The following GBE1 variants were observed in gnomAD, a reference collection of about 807,000 sequenced individuals.
GBE1 encodes 1,4-alpha-glucan branching enzyme 1.
Under a neutral mutation model 88.8 loss-of-function variants are expected in GBE1, and 70 were observed. That is an observed-to-expected ratio of 0.79 (90% CI 0.65 to 0.96). The LOEUF is 0.96. Among genes scored for constraint, GBE1 ranks in the 40% least tolerant of loss-of-function variants. GBE1 has a pLI of 0.00. For missense variants in GBE1, 872 were observed against 871.0 expected (o/e 1.00, Z -0.01); for synonymous variants, 284 against 300.1 (o/e 0.95, Z 0.56).
chr3:81,535,582 G>T (rs1262790532), intron 13 of GBE1, among the ~76,000 whole-genome samples: 2 of 151,930 alleles, frequency 1.3e-5, no homozygotes, highest in South Asian at 4.1e-4. Context: ...ACAGTGTTGT[G>T]GCTCAGGTTT....
intron 12 of GBE1, among the ~76,000 whole-genome samples, chr3:81,568,176 C>G (rs566875464): frequency 6.6e-6 from 1 of 152,022 alleles, no homozygotes. Flanking sequence ...GAGATGGAGT[C>G]TCGCTCTGGC....
intron 1 of GBE1, among the ~76,000 whole-genome samples, chr3:81,707,322 C>T (rs930828420): frequency 6.6e-5 from 10 of 151,922 alleles, no homozygotes; most frequent in Admixed American, 6.6e-5. Flanking sequence ...TCCTAGGAGA[C>T]AAGTTTCTAT....
At chr3:81,690,185 T>C (rs1248596751) in intron 2 of GBE1, among the ~76,000 whole-genome samples, 2 of 152,182 alleles carry the variant, frequency 1.3e-5, no homozygotes, top group Non-Finnish European at 2.9e-5. Context: ...CCAGAAATAA[T>C]TGGGTCCTCC....
chr3:81,492,682 C>G (rs1702452601), intron 15 of GBE1, among the ~76,000 whole-genome samples: 1 of 142,974 alleles, frequency 7.0e-6, no homozygotes, highest in Non-Finnish European at 1.5e-5. Context: ...CTCCCATTCT[C>G]CCTTTCTCCC....
chr3:81,611,527 G>A (rs1018812517), intron 7 of GBE1, among the ~76,000 whole-genome samples: 1 of 152,092 alleles, frequency 6.6e-6, no homozygotes, highest in Non-Finnish European at 1.5e-5. Flanking sequence ...CAAATTGGTA[G>A]ACAGATTCTA....
intron 15 of GBE1, among the ~76,000 whole-genome samples, chr3:81,492,130 T>C (rs1238452204): frequency 2.0e-5 from 3 of 152,216 alleles, no homozygotes; most frequent in East Asian, 1.9e-4. Flanking sequence ...TGTTTTGCAA[T>C]ACAGTATTTC....
chr3:81,490,789 T>A (rs1366156778), intron 15 of GBE1, among the ~76,000 whole-genome samples: 1 of 152,122 alleles, frequency 6.6e-6, no homozygotes, highest in African/African-American at 2.4e-5. Flanking sequence ...CAGTTTGCAA[T>A]GTTACTACTT....
At chr3:81,711,537 G>A (rs1576209246) in intron 1 of GBE1, among the ~76,000 whole-genome samples, 3 of 152,126 alleles carry the variant, frequency 2.0e-5, no homozygotes, top group African/African-American at 4.8e-5. Context: ...TGAGGGCTCT[G>A]TTCTGTTCCA....
chr3:81,593,749 A>G (rs2106956681), intron 8 of GBE1, among the ~76,000 whole-genome samples, 159 bp downstream of exon 8: 1 of 152,296 alleles, frequency 6.6e-6, no homozygotes, highest in African/African-American at 2.4e-5. Context: ...CCTTTTGTTT[A>G]CTTATAAAAT....
chr3:81,691,777 ATAAT>A (rs763288773), intron 2 of GBE1, among the ~76,000 whole-genome samples: 25 of 152,292 alleles, frequency 1.6e-4, no homozygotes, highest in East Asian at 1.5e-3. Context: ...GGTCTCAAAA[ATAAT>A]TAATTAATTA....
intron 3 of GBE1, among the ~76,000 whole-genome samples, chr3:81,660,860 T>C (rs940041531): frequency 2.0e-5 from 3 of 152,232 alleles, no homozygotes; most frequent in African/African-American, 7.2e-5. Context: ...TGAGATTGTA[T>C]AGTATGTACT....
intron 10 of GBE1, among the ~76,000 whole-genome samples, chr3:81,583,616 A>C (rs1236056213): frequency 6.6e-6 from 1 of 152,082 alleles, no homozygotes; most frequent in African/African-American, 2.4e-5. Context: ...ATCTCGAGAA[A>C]ATTTTGCTAA....
intron 1 of GBE1, among the ~76,000 whole-genome samples, chr3:81,728,629 G>A (rs760230647): frequency 7.6e-4 from 115 of 151,876 alleles, no homozygotes; most frequent in Non-Finnish European, 1.4e-3. Flanking sequence ...AATTACTACT[G>A]GAAAGAGAGG....
At chr3:81,589,304 A>G (rs1398114774) in intron 9 of GBE1, among the ~76,000 whole-genome samples, 4 of 152,114 alleles carry the variant, frequency 2.6e-5, no homozygotes, top group Admixed American at 2.6e-4. Context: ...TGTAATTGTC[A>G]TTATAAATAA....
intron 14 of GBE1, among the ~76,000 whole-genome samples, chr3:81,520,129 G>A (rs747000919): frequency 1.1e-4 from 16 of 151,334 alleles, no homozygotes; most frequent in Non-Finnish European, 1.8e-4. Flanking sequence ...TCTCTACAAC[G>A]TGCCTTATAG....
At chr3:81,646,956 C>CTTTT (rs34290906) in intron 5 of GBE1, among the ~76,000 whole-genome samples, 2 of 132,436 alleles carry the variant, frequency 1.5e-5, no homozygotes, top group Admixed American at 7.7e-5. Flanking sequence ...CATAAGGTAG[C>CTTTT]TTTTTTTTTT....
Position 81,761,588 on chromosome 3 carries a change from C to G in GBE1, c.-71G>C, listed in dbSNP as rs1413202867. On this transcript the variant is annotated 5_prime_UTR_variant, in exon 1 of 16. Coordinates refer to ENST00000429644, the MANE Select transcript of GBE1 (RefSeq NM_000158.4). ...GCCTGAGCGGGCGCTGGAGCTCTAG[C>G]TGGGACGCGGCGGCTAGGGCGGAGC... is the stretch of plus-strand genomic sequence containing the variant. The G allele has an allele frequency of 6.6e-7, 1 of 1,520,212 alleles. No homozygotes were observed. The highest frequency in any genetic ancestry group is 1.4e-5 in the African/African-American group (1 of 71,464). 94.2% of individuals were successfully genotyped at this position (1,520,212 alleles called of 1,614,324 possible).
chr3:81,701,226 A>T (rs1409998579), intron 2 of GBE1, among the ~76,000 whole-genome samples: 1 of 152,170 alleles, frequency 6.6e-6, no homozygotes, highest in Non-Finnish European at 1.5e-5. Context: ...GTCAATATAT[A>T]TACACCATCC....
At chr3:81,701,153 T>C (rs1269350527) in intron 2 of GBE1, among the ~76,000 whole-genome samples, 1 of 152,174 alleles carries the variant, frequency 6.6e-6, no homozygotes, top group Non-Finnish European at 1.5e-5. Context: ...CTCAGCCCTT[T>C]AAACTAGTTT....
Sources: gnomAD v4.1 joint callset for allele counts (sites outside exome capture counted in the v4.1 genomes callset) on GRCh38, gnomAD v4.1.1 for gene constraint, MANE v1.5 for transcripts, NCBI Gene and HGNC (gene_info 2026-07-23, HGNC 2026-07-21) for gene names.